Variants in CELSR3 observed in about 807,000 individuals in gnomAD.
CELSR3 encodes the protein EGF-like protein 1.
Under a neutral mutation model 270.0 loss-of-function variants are expected in CELSR3, and 73 were observed. The observed-to-expected ratio is 0.27, with a 90% CI of 0.22 to 0.33. The LOEUF is 0.33. Ranked by LOEUF, CELSR3 falls within the 10% of genes least tolerant of loss-of-function variation. The probability of loss-of-function intolerance (pLI) is 1.00; values close to 1 mark genes in which losing one functional copy is unlikely to be tolerated. For missense variants in CELSR3, 3,614 were observed against 4,533.8 expected (o/e 0.80, Z 5.83); for synonymous variants, 1,780 against 1,905.4 (o/e 0.93, Z 1.71).
chr3:48,645,310 C>A lies in CELSR3; in HGVS notation c.7798-101G>T. 6.5e-7 allele frequency: 1 copy of A among 1,536,562 alleles called. No individual in the cohort carries two copies. Among genetic ancestry groups the A allele is most frequent in the Non-Finnish European group, 8.9e-7 (1 of 1,128,136 alleles). On this transcript the variant is annotated intron_variant, in intron 24 of 34. Coordinates refer to ENST00000164024, the MANE Select transcript of CELSR3 (RefSeq NM_001407.3). The surrounding 1 kb of genome is among the most constrained non-coding windows in gnomAD (Gnocchi z 5.4). ...ACCTCTCACCCCTAAACCACAATATCTTACCCCAGCATCCTGCTGAAAACC... is the reference window on the plus strand; with the variant it reads ...ACCTCTCACCCCTAAACCACAATATATTACCCCAGCATCCTGCTGAAAACC...
rs758603384 is a variant in CELSR3, at chr3:48,653,132, T to G, written c.5504A>C (p.His1835Pro). The G allele has an allele frequency of 1.2e-6, 2 of 1,613,088 alleles. No individual in the cohort carries two copies. The highest frequency in any genetic ancestry group is 1.3e-5 in the African/African-American group (1 of 74,864). Reference sequence around the variant, plus strand: ...GACAGTCACCTGGTCCAGAAGGAGATGGGAAGCACGGCCCGAGCCCCTGGT... The same window carrying G: ...GACAGTCACCTGGTCCAGAAGGAGAGGGGAAGCACGGCCCGAGCCCCTGGT... ...TVTRGSGRAS[H>P]LLLDQVTVSD... The change falls in exon 10 of 35, where the codon CAT becomes CCT. Residue 1835 changes from histidine (H) to proline (P), a missense_variant. Physicochemically the swap from His to Pro is moderately conservative, Grantham distance 77 (BLOSUM62 -2). This residue lies in a region of CELSR3 where 1,331 missense variants were observed against 1,933.7 expected (regional missense o/e 0.69). Transcript: ENST00000164024. This position sits in a 1 kb window ranked among gnomAD's most constrained non-coding sequence, Gnocchi z 6.5.
rs1332723169 is a variant in CELSR3 at position 48,654,680 on chromosome 3, A to G, written c.4989-228T>C. Among the ~76,000 whole-genome samples, 2 of 152,058 alleles carry G rather than the reference A, an allele frequency of 1.3e-5. No individual in the cohort carries two copies. The highest frequency in any genetic ancestry group is 4.8e-5 in the African/African-American group (2 of 41,400). On this transcript the variant is annotated intron_variant, in intron 6 of 34. Coordinates refer to ENST00000164024, the MANE Select transcript of CELSR3 (RefSeq NM_001407.3). This position sits in a 1 kb window ranked among gnomAD's most constrained non-coding sequence, Gnocchi z 5.4. ...GGTAGGTGAATGGGGGTTGAGAGCT[A>G]TGATGAAAGAATGAGGCATCTGGCT...
In CELSR3 at chr3:48,645,675, G is replaced by A. The variant is rs759711824; in HGVS notation, c.7591-26C>T. The A allele has an allele frequency of 3.1e-6, 5 of 1,602,310 alleles. No homozygotes were observed. The East Asian group carries it at 1.1e-4, about 36-fold the overall frequency. The stretch of plus-strand genomic sequence containing the variant: ...CTACAGAGACAGGGATGGTTGATGG[G>A]TTGTTGGGCAGAATCCCCGTGTCCC... On this transcript the variant is annotated intron_variant, in intron 23 of 34. Transcript: ENST00000164024. The surrounding 1 kb of genome is among the most constrained non-coding windows in gnomAD (Gnocchi z 5.4).
In CELSR3 at chr3:48,659,251, A is replaced by G; in HGVS notation, c.3384T>C (p.Ile1128=). ...DIFSGELTAL[I]DLDYEARQEY... is the part of the protein sequence containing the mutation. Reference sequence around the variant, plus strand: ...CTTGGCGAGCCTCATAGTCTAGGTCAATGAGTGCCGTCAGTTCTCCAGAGA... The same window carrying G: ...CTTGGCGAGCCTCATAGTCTAGGTCGATGAGTGCCGTCAGTTCTCCAGAGA... Residue 1128 remains isoleucine (I), a synonymous_variant, in exon 1 of 35, where the codon ATT becomes ATC. Transcript: ENST00000164024. The surrounding 1 kb of genome is among the most constrained non-coding windows in gnomAD (Gnocchi z 8.1). 6.2e-7 allele frequency: 1 copy of G among 1,614,144 alleles called. No homozygotes were observed. The highest frequency in any genetic ancestry group is 8.5e-7 in the Non-Finnish European group (1 of 1,180,014).
rs1166786567 is a variant in CELSR3 at position 48,645,828 on chromosome 3, G to A, written c.7504C>T (p.Leu2502=). The change falls in exon 23 of 35, where the codon CTG becomes TTG. Residue 2502 remains leucine (L), a synonymous_variant. Coordinates refer to ENST00000164024, the MANE Select transcript of CELSR3 (RefSeq NM_001407.3). The surrounding 1 kb of genome is among the most constrained non-coding windows in gnomAD (Gnocchi z 5.4). ...HGVWTARDCE[L]VHRNGSHARC... ...GCGTGGGACCCATTCCTGTGCACCA[G>A]CTCGCAGTCCCGTGCTGTCCACACA... 1 of 1,610,658 alleles carries A rather than the reference G, an allele frequency of 6.2e-7. No individual in the cohort carries two copies. Among genetic ancestry groups the A allele is most frequent in the Non-Finnish European group, 8.5e-7 (1 of 1,179,214 alleles).
rs538266992 is a variant in CELSR3, at chr3:48,636,715, T to G, written c.*1490A>C. 2.0e-5 allele frequency: 3 copies of G among 152,334 alleles called. No individual in the cohort carries two copies. Among genetic ancestry groups the G allele is most frequent in the African/African-American group, 7.2e-5 (3 of 41,558 alleles). The allele number at this position is 152,334 out of a possible 1,614,324, so 9.4% of individuals were successfully genotyped here. A position where few individuals can be genotyped will look rare whatever the true frequency, so the allele number is the denominator to read the frequency against. On this transcript the variant is annotated 3_prime_UTR_variant, in exon 35 of 35. Coordinates refer to ENST00000164024, the MANE Select transcript of CELSR3 (RefSeq NM_001407.3). ...GCTCCAGTCAGGGAAGTAGAATTTC[T>G]AATCTCCCAGGAAGCTGCTTCCCAA...
Position 48,659,151 on chromosome 3 carries a change from G to A in CELSR3, c.3484C>T (p.Gln1162Ter). 6.2e-7 allele frequency: 1 copy of A among 1,614,202 alleles called. No individual in the cohort carries two copies. Among genetic ancestry groups the A allele is most frequent in the Non-Finnish European group, 8.5e-7 (1 of 1,180,034 alleles). ...TTGAGCACAGGGCTGTTGTCATTCT[G>A]GTCAACCAGGCGGACGTGCACAGTG... ...RATVHVRLVD[Q>*]NDNSPVLNNF... The change falls in exon 1 of 35, where the codon CAG becomes TAG. Residue 1162 changes from glutamine to a stop codon, truncating the protein, a stop_gained. Coordinates refer to ENST00000164024, the MANE Select transcript of CELSR3 (RefSeq NM_001407.3). LOFTEE classifies it high-confidence loss of function. The surrounding 1 kb of genome is among the most constrained non-coding windows in gnomAD (Gnocchi z 8.1).
In CELSR3 at chr3:48,642,669, C is replaced by T; in HGVS notation, c.8555+67G>A. 1 of 1,558,084 alleles carries T rather than the reference C, an allele frequency of 6.4e-7. No homozygotes were observed. On this transcript the variant is annotated intron_variant, in intron 30 of 34. Transcript: ENST00000164024. The surrounding 1 kb of genome is among the most constrained non-coding windows in gnomAD (Gnocchi z 6.1). ...GCCACCCGCCCTAGGACCTGGTCAG[C>T]CAAGCCCTGGTAAGGTGGGGCTGGA...
Position 48,652,942 on chromosome 3 carries a change from A to C in CELSR3, c.5634+60T>G. 6.9e-7 allele frequency: 1 copy of C among 1,457,016 alleles called. No homozygotes were observed. The highest frequency in any genetic ancestry group is 9.5e-7 in the Non-Finnish European group (1 of 1,049,024). 90.3% of individuals were successfully genotyped at this position (1,457,016 alleles called of 1,614,324 possible). A position where few individuals can be genotyped will look rare whatever the true frequency, so the allele number is the denominator to read the frequency against. Reference sequence around the variant, plus strand: ...GAGGAGCTGGACTAGAGGTGGGGTCAAATAAGGCGGATCTGGTTGGAAGGC... The same window carrying C: ...GAGGAGCTGGACTAGAGGTGGGGTCCAATAAGGCGGATCTGGTTGGAAGGC... On this transcript the variant is annotated intron_variant, in intron 10 of 34. Transcript: ENST00000164024. This position sits in a 1 kb window ranked among gnomAD's most constrained non-coding sequence, Gnocchi z 4.3.
chr3:48,644,300 A>C lies in CELSR3; in HGVS notation c.8086-5T>G, dbSNP rs1413749576. On this transcript the variant is annotated splice_polypyrimidine_tract_variant and splice_region_variant and intron_variant, in intron 26 of 34. Transcript: ENST00000164024. This position sits in a 1 kb window ranked among gnomAD's most constrained non-coding sequence, Gnocchi z 4.8. Reference sequence around the variant, plus strand: ...GAGAAACATGGTCCCGTTCATCTGGACCCACGGCCAGACATGTGGGGCCGG... The same window carrying C: ...GAGAAACATGGTCCCGTTCATCTGGCCCCACGGCCAGACATGTGGGGCCGG... The C allele has an allele frequency of 6.2e-7, 1 of 1,612,680 alleles. No individual in the cohort carries two copies. Among genetic ancestry groups the C allele is most frequent in the Non-Finnish European group, 8.5e-7 (1 of 1,179,650 alleles).
In CELSR3 at chr3:48,662,205, G is replaced by A. The variant is rs1165575939; in HGVS notation, c.430C>T (p.Arg144Trp). The A allele has an allele frequency of 6.2e-7, 1 of 1,612,852 alleles. No homozygotes were observed. Among genetic ancestry groups the A allele is most frequent in the Admixed American group, 1.7e-5 (1 of 60,014 alleles). Residue 144 changes from arginine (R) to tryptophan (W), a missense_variant, in exon 1 of 35, where the codon CGG becomes TGG. Arg to Trp is a moderately radical substitution (Grantham distance 101). Coordinates refer to ENST00000164024, the MANE Select transcript of CELSR3 (RefSeq NM_001407.3). The surrounding 1 kb of genome is among the most constrained non-coding windows in gnomAD (Gnocchi z 7.1). Reference protein sequence around the residue: ...YWRPEVSSCGRTGPLQRGSLS... With the variant: ...YWRPEVSSCGWTGPLQRGSLS... ...CTACCTCTTTGCAAAGGTCCTGTCC[G>A]CCCGCAAGAGGAGACCTCTGGGCGC... is the stretch of plus-strand genomic sequence containing the variant.
chr3:48,655,136 C>T lies in CELSR3; in HGVS notation c.4896G>A (p.Val1632=), dbSNP rs761514751. Residue 1632 remains valine (V), a synonymous_variant, in exon 6 of 35, where the codon GTG becomes GTA. Transcript: ENST00000164024. The surrounding 1 kb of genome is among the most constrained non-coding windows in gnomAD (Gnocchi z 5.8). The stretch of plus-strand genomic sequence containing the variant: ...GAGCCACGGCCACATCACAATCATC[C>T]ACGCTTAGCACAGCCACCTTGTCCT... ...PSKDKVAVLS[V]DDCDVAVALQ... The T allele has an allele frequency of 5.6e-6, 9 of 1,613,866 alleles. No individual in the cohort carries two copies. Among genetic ancestry groups the T allele is most frequent in the Non-Finnish European group, 7.6e-6 (9 of 1,179,950 alleles).
intron 27 of CELSR3, chr3:48,643,918 G>A (rs2047053611): frequency 1.7e-6 from 1 of 596,218 alleles, no homozygotes; most frequent in Non-Finnish European, 2.9e-6. Flanking sequence ...AGCCACAAGG[G>A]AGGGCACGGA....
At position 48,645,512 on chromosome 3, in the gene CELSR3, G is replaced by T. The variant is rs773293357; in HGVS notation, c.7728C>A (p.Ala2576=). The T allele has an allele frequency of 1.5e-4, 243 of 1,612,704 alleles. No individual in the cohort carries two copies. Among genetic ancestry groups the T allele is most frequent in the Admixed American group, 2.8e-4 (17 of 60,004 alleles). ...CCACCCCCAGGGCGGCTGCCACATTGGCATGGATCCCACGCACATTGGACT... is the reference window on the plus strand; with the variant it reads ...CCACCCCCAGGGCGGCTGCCACATTTGCATGGATCCCACGCACATTGGACT... The part of the protein sequence containing the change: ...SLKSNVRGIH[A]NVAAALGVAE... Residue 2576 remains alanine, a synonymous_variant, in exon 24 of 35, where the codon GCC becomes GCA. Transcript: ENST00000164024. This position sits in a 1 kb window ranked among gnomAD's most constrained non-coding sequence, Gnocchi z 5.4.
At position 48,655,170 on chromosome 3, in the gene CELSR3, C is replaced by A; in HGVS notation, c.4862G>T (p.Gly1621Val). ...CACAGCCACCTTGTCCTTGGAGGGG[C>A]CCTGTGCACCCCCTAGGGCATCTGT... ...PRTDALGGAQGPSKDKVAVLS... is the reference protein window; with the variant it reads ...PRTDALGGAQVPSKDKVAVLS... The change falls in exon 6 of 35, where the codon GGC (glycine) becomes GTC (valine). Residue 1621 changes from glycine (G) to valine (V), a missense_variant. This residue lies in a region of CELSR3 where 1,331 missense variants were observed against 1,933.7 expected (regional missense o/e 0.69). Transcript: ENST00000164024. The surrounding 1 kb of genome is among the most constrained non-coding windows in gnomAD (Gnocchi z 5.8). 1.2e-6 allele frequency: 2 copies of A among 1,613,864 alleles called. No individual in the cohort carries two copies. The highest frequency in any genetic ancestry group is 1.7e-6 in the Non-Finnish European group (2 of 1,179,892).
rs536404660 is a variant in CELSR3 at position 48,654,129 on chromosome 3, C to A, written c.5153-126G>T. 6.7e-7 allele frequency: 1 copy of A among 1,501,442 alleles called. No individual in the cohort carries two copies. Among genetic ancestry groups the A allele is most frequent in the Non-Finnish European group, 9.0e-7 (1 of 1,112,052 alleles). 93.0% of individuals were successfully genotyped at this position (1,501,442 alleles called of 1,614,324 possible). On this transcript the variant is annotated intron_variant, in intron 7 of 34. Coordinates refer to ENST00000164024, the MANE Select transcript of CELSR3 (RefSeq NM_001407.3). This position sits in a 1 kb window ranked among gnomAD's most constrained non-coding sequence, Gnocchi z 5.4. The stretch of plus-strand genomic sequence containing the variant: ...CTCAGCCCCATTTCCCATTTTCTTT[C>A]GATGAGTGGGGTTGGTAAGAGTCAG...
rs147930066 is a variant in CELSR3, at chr3:48,644,332, C to CAGAG, written c.8086-41_8086-38dup. 4.7e-5 allele frequency: 70 copies of CAGAG among 1,475,174 alleles called. No homozygotes were observed. The highest frequency in any genetic ancestry group is 1.2e-4 in the Admixed American group (7 of 58,348). 91.4% of individuals were successfully genotyped at this position (1,475,174 alleles called of 1,614,324 possible). On this transcript the variant is annotated intron_variant, in intron 26 of 34. Transcript: ENST00000164024. This position sits in a 1 kb window ranked among gnomAD's most constrained non-coding sequence, Gnocchi z 4.8. ...GCCAGACATGTGGGGCCGGGCAGGGCAGAGAGAGAGAGAGAGAGAGAGGCA... is the reference window on the plus strand; with the variant it reads ...GCCAGACATGTGGGGCCGGGCAGGGCAGAGAGAGAGAGAGAGAGAGAGAGAGGCA...
In CELSR3 at chr3:48,641,320, G is replaced by GT. The variant is rs2047024261; in HGVS notation, c.9025+3dup. On this transcript the variant is annotated splice_donor_region_variant and intron_variant, in intron 33 of 34. Coordinates refer to ENST00000164024, the MANE Select transcript of CELSR3 (RefSeq NM_001407.3). This position sits in a 1 kb window ranked among gnomAD's most constrained non-coding sequence, Gnocchi z 4.8. ...CGGTGTGGGCCAGGGCTCAGGGACTGTACCTTTCCTCTGGCGCTGGGCCCG... is the reference window on the plus strand; with the variant it reads ...CGGTGTGGGCCAGGGCTCAGGGACTGTTACCTTTCCTCTGGCGCTGGGCCCG... The GT allele has an allele frequency of 6.3e-7, 1 of 1,595,282 alleles. No homozygotes were observed. Among genetic ancestry groups the GT allele is most frequent in the Non-Finnish European group, 8.6e-7 (1 of 1,165,016 alleles).
rs368726205 is a variant in CELSR3, at chr3:48,656,758, C to T, written c.4339G>A (p.Gly1447Ser). 1.9e-6 allele frequency: 3 copies of T among 1,552,020 alleles called. No homozygotes were observed. ...DLCYSNPCRN[G>S]GACARREGGY... ...CCCTCGCGCCGCGCGCAGGCTCCGC[C>T]GTTGCGACATGGGTTGGAGTAGCAG... Residue 1447 changes from glycine to serine, a missense_variant, in exon 2 of 35, where the codon GGC (glycine) becomes AGC (serine). Gly to Ser is a moderately conservative substitution (Grantham distance 56, BLOSUM62 0). Around this residue, in one of 7 missense-constraint regions of CELSR3, gnomAD observed 1,331 missense variants for 1,933.7 expected, o/e 0.69. Transcript: ENST00000164024.
Sources: gnomAD v4.1 joint callset for allele counts (sites outside exome capture counted in the v4.1 genomes callset) on GRCh38, gnomAD v4.1.1 for gene constraint, gnomAD v4.1.1 regional missense constraint, Gnocchi (gnomAD v3.1) non-coding constraint, MANE v1.5 for transcripts, NCBI Gene and HGNC (gene_info 2026-07-23, HGNC 2026-07-21) for gene names.